SGIP1: variants seen among roughly 807,000 people sequenced by gnomAD.
The protein encoded by SGIP1 is SH3GL interacting endocytic adaptor 1, also known as SH3-containing GRB2-like protein 3-interacting protein 1.
SGIP1 carries 38 observed loss-of-function variants against 107.5 expected under a neutral mutation model. The observed-to-expected ratio is 0.35, with a 90% CI of 0.27 to 0.46. SGIP1 has a LOEUF of 0.46. SGIP1 is among the 20% of genes least tolerant of loss of function. SGIP1 has a pLI of 1.00. For missense variants in SGIP1, 929 were observed against 1,019.5 expected (o/e 0.91, Z 1.21); for synonymous variants, 365 against 366.1 (o/e 1.00, Z 0.03).
Position 66,750,548 on chromosome 1 carries a change from T to C in SGIP1, c.*7453T>C, listed in dbSNP as rs1222095559. On this transcript the variant is annotated 3_prime_UTR_variant, in exon 25 of 25. Coordinates refer to ENST00000371037, the MANE Select transcript of SGIP1 (RefSeq NM_032291.4). The stretch of plus-strand genomic sequence containing the variant: ...TCTTTTTAATCTTGTACTAAGTACA[T>C]AATTTCACAAAAATACCTTGGGCAT... Among the ~76,000 whole-genome samples the C allele has an allele frequency of 3.9e-5, 6 of 152,252 alleles. No individual in the cohort carries two copies. The highest frequency in any genetic ancestry group is 2.9e-5 in the Non-Finnish European group (2 of 68,038).
intron 1 of SGIP1, among the ~76,000 whole-genome samples, chr1:66,605,573 G>T (rs1461803525): frequency 6.6e-6 from 1 of 151,308 alleles, no homozygotes; most frequent in Non-Finnish European, 1.5e-5. Context: ...AGGCAGTCTG[G>T]ATGTCACAAA....
chr1:66,663,151 T>C (rs1303940734), intron 8 of SGIP1, among the ~76,000 whole-genome samples: 3 of 152,004 alleles, frequency 2.0e-5, no homozygotes, highest in Non-Finnish European at 4.4e-5. Flanking sequence ...GCACATGGGG[T>C]GCACTGAACA....
Position 66,667,511 on chromosome 1 carries a change from T to C in SGIP1, c.472-19T>C. ...CTCTGACTAGGTGTCTGTTCTCTCTTCCTTTTTGCTGATCACAGAGGCGCA... is the reference window on the plus strand; with the variant it reads ...CTCTGACTAGGTGTCTGTTCTCTCTCCCTTTTTGCTGATCACAGAGGCGCA... On this transcript the variant is annotated intron_variant, in intron 8 of 24. Transcript: ENST00000371037. 1.2e-6 allele frequency: 2 copies of C among 1,612,930 alleles called. No homozygotes were observed. The highest frequency in any genetic ancestry group is 1.1e-5 in the South Asian group (1 of 91,060).
chr1:66,641,570 G>A lies in SGIP1; in HGVS notation c.229-1240G>A, dbSNP rs181659549. Among the ~76,000 whole-genome samples the A allele has an allele frequency of 1.1e-4, 17 of 152,224 alleles. No homozygotes were observed. In the East Asian group the frequency reaches 3.3e-3, roughly 29 times the overall value. ...AAAACCTAGATCTGACATTTGTTGG[G>A]TGTGTTTCCTTGAGAAATGGCGTCT... is the stretch of plus-strand genomic sequence containing the variant. On this transcript the variant is annotated intron_variant, in intron 5 of 24. Coordinates refer to ENST00000371037, the MANE Select transcript of SGIP1 (RefSeq NM_032291.4).
intron 1 of SGIP1, among the ~76,000 whole-genome samples, chr1:66,599,943 A>G (rs1376209536): frequency 1.3e-5 from 2 of 152,184 alleles, no homozygotes; most frequent in Non-Finnish European, 2.9e-5. Flanking sequence ...CTTCACAGAA[A>G]TGATCCCTGA....
At chr1:66,711,622 T>A (rs941945009) in intron 18 of SGIP1, among the ~76,000 whole-genome samples, 1 of 152,152 alleles carries the variant, frequency 6.6e-6, no homozygotes, top group Non-Finnish European at 1.5e-5. Flanking sequence ...GACTTTCTGA[T>A]GTCTCCATCT....
In SGIP1 at chr1:66,720,068, G is replaced by A. The variant is rs549233639; in HGVS notation, c.1742+663G>A. On this transcript the variant is annotated intron_variant, in intron 19 of 24. Coordinates refer to ENST00000371037, the MANE Select transcript of SGIP1 (RefSeq NM_032291.4). ...CAATGGACTTGGTCTGAATGCATATGTGATGTAATTAAATATTTGGCCTCT... is the reference window on the plus strand; with the variant it reads ...CAATGGACTTGGTCTGAATGCATATATGATGTAATTAAATATTTGGCCTCT... 2.6e-5 allele frequency among the ~76,000 whole-genome samples: 4 copies of A among 152,324 alleles called. No homozygotes were observed. The South Asian group carries it at 8.3e-4, about 32-fold the overall frequency.
At chr1:66,712,182 T>C (rs1193778149) in intron 18 of SGIP1, among the ~76,000 whole-genome samples, 1 of 152,124 alleles carries the variant, frequency 6.6e-6, no homozygotes, top group African/African-American at 2.4e-5. Context: ...TGCACAGAAT[T>C]TGAACACATT....
chr1:66,583,654 A>G (rs2062138547), intron 1 of SGIP1, among the ~76,000 whole-genome samples: 2 of 152,144 alleles, frequency 1.3e-5, no homozygotes, highest in South Asian at 4.1e-4. Flanking sequence ...TCCTTGGATA[A>G]GCCTTCCTAT....
At chr1:66,739,574 T>A (rs997791710) in intron 22 of SGIP1, 37 bp downstream of exon 22, 4 of 1,608,108 alleles carry the variant, frequency 2.5e-6, no homozygotes, top group Non-Finnish European at 3.4e-6. Context: ...AAAGGGCTCC[T>A]CTGGGTCAAG....
At chr1:66,699,615 T>C (rs542616915) in intron 18 of SGIP1, among the ~76,000 whole-genome samples, 147 of 152,306 alleles carry the variant, frequency 9.7e-4, no homozygotes, top group African/African-American at 3.4e-3. Flanking sequence ...TAAGAATTTG[T>C]CACCCTTTTT....
chr1:66,655,532 A>G (rs9660797), intron 7 of SGIP1, among the ~76,000 whole-genome samples: 43,856 of 152,142 alleles, frequency 0.29, 6,498 homozygotes, highest in African/African-American at 0.34. Flanking sequence ...CAATTTTATC[A>G]TTGTGTGCAC....
chr1:66,729,479 G>A (rs2093909797), intron 20 of SGIP1, 60 bp downstream of exon 20: 1 of 1,595,604 alleles, frequency 6.3e-7, no homozygotes, highest in African/African-American at 1.3e-5. Context: ...TTTGTACTTA[G>A]ATGAGGGATA....
At chr1:66,644,633 G>A (rs1027566321) in intron 7 of SGIP1, among the ~76,000 whole-genome samples, 10 of 152,088 alleles carry the variant, frequency 6.6e-5, no homozygotes, top group African/African-American at 2.2e-4. Flanking sequence ...AGATGCTTCA[G>A]GAAACATCTC....
rs756854062 is a variant in SGIP1 at position 66,671,030 on chromosome 1, C to A, written c.508+11C>A. ...AAAGGAACTTATCCAGTAAGTATAT[C>A]TTAGCTACCAGAAATAGTGTATGAT... On this transcript the variant is annotated intron_variant, in intron 10 of 24. Coordinates refer to ENST00000371037, the MANE Select transcript of SGIP1 (RefSeq NM_032291.4). 2 of 1,335,884 alleles carry A rather than the reference C, an allele frequency of 1.5e-6. No homozygotes were observed. The highest frequency in any genetic ancestry group is 2.1e-6 in the Non-Finnish European group (2 of 958,362). 82.8% of individuals were successfully genotyped at this position (1,335,884 alleles called of 1,614,324 possible).
chr1:66,637,459 G>A (rs1476271795), intron 4 of SGIP1, among the ~76,000 whole-genome samples: 7 of 111,862 alleles, frequency 6.3e-5, no homozygotes, highest in African/African-American at 1.9e-4. Flanking sequence ...GTGTGTTTGT[G>A]TGTGTGTGTG....
At chr1:66,561,069 A>G (rs1040827663) in intron 1 of SGIP1, among the ~76,000 whole-genome samples, 4 of 152,070 alleles carry the variant, frequency 2.6e-5, no homozygotes, top group Admixed American at 1.3e-4. Context: ...TGCAGCTATT[A>G]TTAACTCATA....
intron 1 of SGIP1, among the ~76,000 whole-genome samples, chr1:66,572,602 GT>G (rs1355020865): frequency 6.6e-6 from 1 of 151,862 alleles, no homozygotes; most frequent in Non-Finnish European, 1.5e-5. Flanking sequence ...CTTCCCTTTT[GT>G]TTTTTTCACT....
intron 1 of SGIP1, among the ~76,000 whole-genome samples, chr1:66,597,559 G>A (rs2064966022): frequency 6.6e-6 from 1 of 152,058 alleles, no homozygotes; most frequent in South Asian, 2.1e-4. Context: ...TTTCCACTTA[G>A]CCCTGATTCT....
Sources: allele counts gnomAD v4.1 joint callset (sites outside exome capture counted in the v4.1 genomes callset), GRCh38; gene constraint gnomAD v4.1.1; transcripts MANE v1.5; gene names NCBI Gene and HGNC (gene_info 2026-07-23, HGNC 2026-07-21).